Variants in PTPRG observed in about 807,000 individuals in gnomAD.
The protein encoded by PTPRG is receptor-type tyrosine-protein phosphatase gamma.
A neutral mutation model predicts 165.3 loss-of-function variants in PTPRG; 102 were observed. The ratio of observed to expected loss-of-function variants is 0.62; its 90% CI spans 0.53 to 0.73. PTPRG has a LOEUF of 0.73. Among genes scored for constraint, PTPRG ranks in the 30% least tolerant of loss-of-function variants. PTPRG has a pLI of 0.00. For synonymous variants in PTPRG, 675 were observed against 669.5 expected, an observed-to-expected ratio of 1.01 and a Z score of -0.13; for missense variants, 1,866 against 1,861.4, an observed-to-expected ratio of 1.00 and a Z score of -0.05.
chr3:61,949,152 T>G (rs527356013), intron 2 of PTPRG, among the ~76,000 whole-genome samples: 1 of 151,144 alleles, frequency 6.6e-6, no homozygotes, highest in Admixed American at 6.6e-5. Context: ...TAGTAGAGTA[T>G]GACCTGATGG....
chr3:62,060,042 C>T (rs1007326326), intron 4 of PTPRG, among the ~76,000 whole-genome samples: 1 of 151,924 alleles, frequency 6.6e-6, no homozygotes, highest in African/African-American at 2.4e-5. Context: ...GATTAATACA[C>T]ACCATCTCTA....
chr3:61,759,427 G>A (rs1209552322), intron 2 of PTPRG, among the ~76,000 whole-genome samples: 1 of 152,134 alleles, frequency 6.6e-6, no homozygotes, highest in Non-Finnish European at 1.5e-5. Context: ...GGCTGAGGTG[G>A]GAGGATCACT....
intron 4 of PTPRG, among the ~76,000 whole-genome samples, chr3:62,076,001 C>T (rs1559782773): frequency 1.3e-5 from 2 of 152,060 alleles, no homozygotes; most frequent in African/African-American, 4.8e-5. Flanking sequence ...GATGACCAGG[C>T]GCAGTGGTTC....
At chr3:61,684,347 C>T (rs943536661) in intron 1 of PTPRG, among the ~76,000 whole-genome samples, 3 of 152,140 alleles carry the variant, frequency 2.0e-5, no homozygotes, top group African/African-American at 7.2e-5. Context: ...CATTAGGGAG[C>T]GGGTTGCCTG....
chr3:62,160,671 A>T (rs183712691), intron 7 of PTPRG, among the ~76,000 whole-genome samples: 8 of 152,238 alleles, frequency 5.3e-5, no homozygotes, highest in African/African-American at 1.4e-4. Flanking sequence ...TGCTTCTCAG[A>T]TGATGGTTCT....
chr3:61,627,304 A>G (rs893468373), intron 1 of PTPRG, among the ~76,000 whole-genome samples: 1 of 152,178 alleles, frequency 6.6e-6, no homozygotes, highest in African/African-American at 2.4e-5. Flanking sequence ...CGGTTGGAGT[A>G]AGGTGTGATT....
intron 4 of PTPRG, among the ~76,000 whole-genome samples, chr3:62,069,978 A>G (rs1701157694): frequency 6.6e-6 from 1 of 152,228 alleles, no homozygotes; most frequent in African/African-American, 2.4e-5. Flanking sequence ...AAATACTTTC[A>G]CAAAAAATAA....
At chr3:61,875,509 G>A (rs1372396860) in intron 2 of PTPRG, among the ~76,000 whole-genome samples, 1 of 152,202 alleles carries the variant, frequency 6.6e-6, no homozygotes, top group Non-Finnish European at 1.5e-5. Flanking sequence ...AAAATGAAGA[G>A]TACCTAGCGG....
intron 2 of PTPRG, among the ~76,000 whole-genome samples, chr3:61,797,695 G>A (rs1157794471): frequency 6.6e-6 from 1 of 150,802 alleles, no homozygotes; most frequent in Non-Finnish European, 1.5e-5. Context: ...GCTCATGAGA[G>A]CTCTGTGCTT....
chr3:61,886,151 G>A (rs1049061533), intron 2 of PTPRG, among the ~76,000 whole-genome samples: 6 of 152,068 alleles, frequency 3.9e-5, no homozygotes, highest in African/African-American at 1.2e-4. Context: ...AGATAACTTC[G>A]CTATTCCTGC....
At chr3:62,122,678 A>G (rs1018376290) in intron 5 of PTPRG, among the ~76,000 whole-genome samples, 1 of 152,142 alleles carries the variant, frequency 6.6e-6, no homozygotes, top group Admixed American at 6.5e-5. Flanking sequence ...CCCAGAATTG[A>G]TTATCGATGT....
chr3:61,900,965 C>G (rs1476807729), intron 2 of PTPRG, among the ~76,000 whole-genome samples: 1 of 152,154 alleles, frequency 6.6e-6, no homozygotes, highest in African/African-American at 2.4e-5. Flanking sequence ...CATAACAATG[C>G]TGTGAAGGTC....
At chr3:61,649,724 G>A (rs1702297520) in intron 1 of PTPRG, among the ~76,000 whole-genome samples, 1 of 152,150 alleles carries the variant, frequency 6.6e-6, no homozygotes, top group Non-Finnish European at 1.5e-5. Context: ...ATAATGCAAG[G>A]CACTTTGCTT....
At chr3:62,139,789 C>A (rs1703853290) in intron 6 of PTPRG, among the ~76,000 whole-genome samples, 1 of 152,178 alleles carries the variant, frequency 6.6e-6, no homozygotes. Flanking sequence ...CCTTTTTGCC[C>A]CTGCCCTGGG....
At chr3:61,802,002 C>G (rs1019149157) in intron 2 of PTPRG, among the ~76,000 whole-genome samples, 16 of 147,346 alleles carry the variant, frequency 1.1e-4, no homozygotes, top group Non-Finnish European at 2.1e-4. Flanking sequence ...TCCAGCCTGG[C>G]CAACAGAGCA....
intron 2 of PTPRG, among the ~76,000 whole-genome samples, chr3:61,904,728 A>G (rs2038597270): frequency 6.6e-6 from 1 of 152,200 alleles, no homozygotes; most frequent in Admixed American, 6.5e-5. Context: ...GTGTAAATCC[A>G]GTCTGTAGAA....
intron 8 of PTPRG, among the ~76,000 whole-genome samples, chr3:62,182,714 C>T (rs1237185325): frequency 6.6e-6 from 1 of 152,210 alleles, no homozygotes; most frequent in Non-Finnish European, 1.5e-5. Flanking sequence ...GGCTGGAGTG[C>T]AGTGGTGCGA....
chr3:61,826,469 T>G (rs2107275707), intron 2 of PTPRG, among the ~76,000 whole-genome samples: 1 of 152,228 alleles, frequency 6.6e-6, no homozygotes, highest in South Asian at 2.1e-4. Context: ...CAAAAATGAT[T>G]TACAGTAATC....
At chr3:62,286,920 T>C (rs1284342846) in intron 28 of PTPRG, among the ~76,000 whole-genome samples, 1 of 152,158 alleles carries the variant, frequency 6.6e-6, no homozygotes, top group Non-Finnish European at 1.5e-5. Flanking sequence ...GCTCTGTCAT[T>C]ATGTTTGGTA....
Sources: gnomAD v4.1 joint callset for allele counts (sites outside exome capture counted in the v4.1 genomes callset) on GRCh38, gnomAD v4.1.1 for gene constraint, MANE v1.5 for transcripts, NCBI Gene and HGNC (gene_info 2026-07-23, HGNC 2026-07-21) for gene names.